The following DHX37 variants were observed in gnomAD, a reference collection of about 807,000 sequenced individuals.
The protein encoded by DHX37 is probable ATP-dependent RNA helicase DHX37.
A neutral mutation model predicts 134.3 loss-of-function variants in DHX37; 52 were observed. That is an observed-to-expected ratio of 0.39 (90% CI 0.31 to 0.49). The LOEUF (loss-of-function observed/expected upper bound fraction) is 0.49. Among genes scored for constraint, DHX37 ranks in the 20% least tolerant of loss-of-function variants. The probability of loss-of-function intolerance (pLI) is 0.93; values close to 1 mark genes in which losing one functional copy is unlikely to be tolerated. For synonymous variants in DHX37, 634 were observed against 670.7 expected, an observed-to-expected ratio of 0.95 and a Z score of 0.85; for missense variants, 1,344 against 1,580.8, an observed-to-expected ratio of 0.85 and a Z score of 2.54.
At chr12:124,959,457 A>G (rs1954181995) in intron 16 of DHX37, among the ~76,000 whole-genome samples, 1 of 151,690 alleles carries the variant, frequency 6.6e-6, no homozygotes, top group Non-Finnish European at 1.5e-5. Context: ...TCCTGACCTC[A>G]ACTAATCCAC....
Position 124,949,991 on chromosome 12 carries a change from C to T in DHX37, c.3285G>A (p.Trp1095Ter). ...GCTCCCACCGAAGGCAGTACCTGGC[C>T]CACGTCTTCAGCATGGTGCCGGGGC... ...LSSPGTMLKT[W>*]ARLQPRTESL... Residue 1095 changes from tryptophan to a stop codon, truncating the protein, a stop_gained, in exon 25 of 27, where the codon TGG (tryptophan) becomes TGA (stop). Coordinates refer to ENST00000308736, the MANE Select transcript of DHX37 (RefSeq NM_032656.4). LOFTEE classifies it high-confidence loss of function. This position sits in a 1 kb window ranked among gnomAD's most constrained non-coding sequence, Gnocchi z 4.0. 6.2e-7 allele frequency: 1 copy of T among 1,609,910 alleles called. No individual in the cohort carries two copies. The highest frequency in any genetic ancestry group is 8.5e-7 in the Non-Finnish European group (1 of 1,177,824).
Position 124,980,781 on chromosome 12 carries a change from G to T in DHX37, c.447C>A (p.Ala149=). 6.4e-7 allele frequency: 1 copy of T among 1,557,204 alleles called. No individual in the cohort carries two copies. ...GQEKISSLSG[A]HRKRRRWPSA... is the part of the protein sequence containing the mutation. ...AGGGCCAGCGGCGACGCTTCCGGTGGGCACCGCTGAGGCTACTGATCTTCT... is the reference window on the plus strand; with the variant it reads ...AGGGCCAGCGGCGACGCTTCCGGTGTGCACCGCTGAGGCTACTGATCTTCT... The change falls in exon 4 of 27, where the codon GCC becomes GCA. Residue 149 remains alanine, a synonymous_variant. Coordinates refer to ENST00000308736, the MANE Select transcript of DHX37 (RefSeq NM_032656.4). This position sits in a 1 kb window ranked among gnomAD's most constrained non-coding sequence, Gnocchi z 5.3.
intron 5 of DHX37, 42 bp downstream of exon 5, chr12:124,977,300 G>T (rs762529019): frequency 6.7e-7 from 1 of 1,482,912 alleles, no homozygotes; most frequent in Non-Finnish European, 8.9e-7. Context: ...CATCTCCAGT[G>T]TCACTGAGGG....
chr12:124,967,893 AC>A lies in DHX37; in HGVS notation c.1408+640del, dbSNP rs201641554. ...AGACCAGCCCGGCCAACATGATGAA[AC>A]CCCATCTCTACTAAAATACAAAAAA... On this transcript the variant is annotated intron_variant, in intron 10 of 26. Transcript: ENST00000308736. Among the ~76,000 whole-genome samples, 959 of 151,836 alleles carry A rather than the reference AC, an allele frequency of 6.3e-3. 16 individuals are homozygous for A. Among genetic ancestry groups the A allele is most frequent in the African/African-American group, 0.021 (871 of 41,390 alleles).
At chr12:124,983,292 G>A (rs1331646740) in intron 2 of DHX37, among the ~76,000 whole-genome samples, 2 of 151,622 alleles carry the variant, frequency 1.3e-5, no homozygotes, top group African/African-American at 4.8e-5. Context: ...TGTATTTTTA[G>A]TAGAGACGGG....
intron 7 of DHX37, 68 bp downstream of exon 7, chr12:124,972,435 G>T: frequency 6.5e-7 from 1 of 1,544,576 alleles, no homozygotes; most frequent in Non-Finnish European, 8.9e-7. Flanking sequence ...TCATATCCCA[G>T]GTGACATCCT....
At chr12:124,953,493 T>C (rs4765005) in intron 20 of DHX37, 111,908 of 194,264 alleles carry the variant, frequency 0.58, 33,460 homozygotes, top group East Asian at 0.83. Context: ...CAGGAAGTAT[T>C]TGTGCTGCTG....
At chr12:124,954,252 C>A in intron 18 of DHX37, 41 bp from the exon 19 acceptor site, 1 of 1,528,818 alleles carries the variant, frequency 6.5e-7, no homozygotes. Flanking sequence ...GGGGCCTCGG[C>A]TGCGCTCAGG....
intron 16 of DHX37, among the ~76,000 whole-genome samples, chr12:124,957,617 T>C (rs1398829039): frequency 1.3e-5 from 2 of 151,916 alleles, no homozygotes; most frequent in African/African-American, 4.8e-5. Flanking sequence ...GAAACCCCCA[T>C]CTCTACTAAA....
intron 1 of DHX37, among the ~76,000 whole-genome samples, chr12:124,988,214 G>A (rs1954911821): frequency 6.6e-6 from 1 of 151,770 alleles, no homozygotes; most frequent in South Asian, 2.1e-4. Flanking sequence ...CCCAGTCCTC[G>A]CCAAGACTGC....
rs1954116304 is a variant in DHX37 at position 124,957,145 on chromosome 12, A to C, written c.2158-10T>G. ...AGGGGAAGTTGATGACCTGGGACAC[A>C]AGGAGACGTGGCAGGGACAGGGTGA... On this transcript the variant is annotated splice_polypyrimidine_tract_variant and intron_variant, in intron 16 of 26. Transcript: ENST00000308736. 4 of 1,490,280 alleles carry C rather than the reference A, an allele frequency of 2.7e-6. No homozygotes were observed. Among genetic ancestry groups the C allele is most frequent in the Non-Finnish European group, 3.6e-6 (4 of 1,122,598 alleles). 92.3% of individuals were successfully genotyped at this position (1,490,280 alleles called of 1,614,324 possible). A position where few individuals can be genotyped will look rare whatever the true frequency, so the allele number is the denominator to read the frequency against.
In DHX37 at chr12:124,952,460, G is replaced by T. The variant is rs752553207; in HGVS notation, c.2806C>A (p.His936Asn). Residue 936 changes from histidine (H) to asparagine (N), a missense_variant, in exon 21 of 27, where the codon CAC becomes AAC. Transcript: ENST00000308736. Reference protein sequence around the residue: ...RQIVTAGLGDHLARRVQSEEM... With the variant: ...RQIVTAGLGDNLARRVQSEEM... ...TCGCTCTGGACCCTGCGGGCCAAGT[G>T]GTCCCCCAGGCCTGCCGTCACGATC... 1.9e-6 allele frequency: 3 copies of T among 1,611,360 alleles called. No homozygotes were observed. Among genetic ancestry groups the T allele is most frequent in the Non-Finnish European group, 2.5e-6 (3 of 1,179,226 alleles).
At chr12:124,961,586 G>A (rs923791994) in intron 15 of DHX37, among the ~76,000 whole-genome samples, 7 of 152,248 alleles carry the variant, frequency 4.6e-5, no homozygotes, top group Middle Eastern at 3.4e-3. Context: ...ATGCCACCAT[G>A]CCCAGCTAAT....
At chr12:124,985,089 T>C (rs1954840060) in intron 2 of DHX37, among the ~76,000 whole-genome samples, 1 of 152,160 alleles carries the variant, frequency 6.6e-6, no homozygotes, top group Non-Finnish European at 1.5e-5. Context: ...GACCCTCCCC[T>C]GAGCCCAGTG....
intron 15 of DHX37, among the ~76,000 whole-genome samples, chr12:124,961,796 T>C (rs753877482): frequency 6.6e-5 from 10 of 152,120 alleles, no homozygotes; most frequent in Non-Finnish European, 1.0e-4. Flanking sequence ...AAGATCTGAA[T>C]AGGCAGTTCC....
chr12:124,971,419 G>A lies in DHX37; in HGVS notation c.1078-4C>T, dbSNP rs750482761. 22 of 1,612,770 alleles carry A rather than the reference G, an allele frequency of 1.4e-5. No individual in the cohort carries two copies. Among genetic ancestry groups the A allele is most frequent in the Non-Finnish European group, 1.7e-5 (20 of 1,179,900 alleles). On this transcript the variant is annotated splice_region_variant and splice_polypyrimidine_tract_variant and intron_variant, in intron 7 of 26. Transcript: ENST00000308736. ...TGTACCGCAGCAGCAGGAAGTCCTG[G>A]GGGGAGGTCCGGGGTGAGGCCCACC...
At position 124,964,645 on chromosome 12, in the gene DHX37, A is replaced by G. The variant is rs760564237; in HGVS notation, c.1813-19T>C. The G allele has an allele frequency of 2.7e-5, 44 of 1,605,692 alleles. No individual in the cohort carries two copies. In the Admixed American group the frequency reaches 7.5e-4, roughly 27 times the overall value. On this transcript the variant is annotated intron_variant, in intron 14 of 26. Transcript: ENST00000308736. ...TAAAGACCTAGGATTCGGGGAAGGG[A>G]TGGCAGGAAAACACCAGAATCAGAA...
At chr12:124,971,919 G>C (rs1354892754) in intron 7 of DHX37, among the ~76,000 whole-genome samples, 1 of 152,224 alleles carries the variant, frequency 6.6e-6, no homozygotes, top group Non-Finnish European at 1.5e-5. Context: ...GGGCTGACTA[G>C]GGAGGCAGCA....
chr12:124,968,506 C>A (rs1261871499), intron 10 of DHX37, 28 bp downstream of exon 10: 4 of 1,608,804 alleles, frequency 2.5e-6, no homozygotes, highest in Non-Finnish European at 3.4e-6. Context: ...AGGGAGGCTT[C>A]TTTCCCCTGA....
Sources: allele counts gnomAD v4.1 joint callset (sites outside exome capture counted in the v4.1 genomes callset), GRCh38; gene constraint gnomAD v4.1.1; non-coding constraint Gnocchi (gnomAD v3.1); transcripts MANE v1.5; gene names NCBI Gene and HGNC (gene_info 2026-07-23, HGNC 2026-07-21).